PUDP: variants seen among roughly 807,000 people sequenced by gnomAD.
PUDP encodes the protein pseudouridine-5'-phosphatase.
Under a neutral mutation model 9.4 loss-of-function variants are expected in PUDP, and 8 were observed. The observed-to-expected ratio is 0.85, with a 90% confidence interval of 0.50 to 1.53. PUDP has a LOEUF of 1.53. PUDP is among the 40% of genes most tolerant of loss of function. The pLI is 0.00. For missense variants in PUDP, 188 were observed against 189.7 expected, an observed-to-expected ratio of 0.99 and a Z score of 0.05; for synonymous variants, 99 against 80.7, an observed-to-expected ratio of 1.23 and a Z score of -1.22.
Position 6,832,987 on chromosome X carries a change from T to TACACACACACACACACACAC in PUDP, c.*248-126541_*248-126522dup, listed in dbSNP as rs200319848. 8.3e-4 allele frequency among the ~76,000 whole-genome samples: 88 copies of TACACACACACACACACACAC among 106,321 alleles called. 1 individual carries two copies. Among genetic ancestry groups the TACACACACACACACACACAC allele is most frequent in the Middle Eastern group, 5.0e-3 (1 of 201 alleles). The allele number at this position is 106,321 out of a possible 115,157, so 92.3% of individuals were successfully genotyped here. A position where few individuals can be genotyped will look rare whatever the true frequency, so the allele number is the denominator to read the frequency against. ...TGTCACTCTCTCTCTCTCTCTGACA[T>TACACACACACACACACACAC]ACACACACACACACACACACTTCAC... On this transcript the variant is annotated intron_variant and NMD_transcript_variant, in intron 3 of 3. Transcript: ENST00000655425.
intron 3 of PUDP, among the ~76,000 whole-genome samples, chrX:6,819,386 A>C (rs949818759): frequency 1.8e-5 from 2 of 112,469 alleles, no homozygotes; most frequent in Admixed American, 1.9e-4. Context: ...TCATTCAAGA[A>C]GATATGGTAC....
intron 3 of PUDP, among the ~76,000 whole-genome samples, chrX:6,772,114 TA>T (rs1925373287): frequency 1.8e-5 from 2 of 112,367 alleles, no homozygotes; most frequent in Admixed American, 1.9e-4. Flanking sequence ...CAATGCCTTG[TA>T]TCCTAATCAC....
intron 2 of PUDP, among the ~76,000 whole-genome samples, chrX:7,096,705 A>G (rs1177756485): frequency 9.0e-6 from 1 of 110,775 alleles, no homozygotes; most frequent in African/African-American, 3.3e-5. Flanking sequence ...GTGTGGTGGC[A>G]TATAATTGCA....
intron 3 of PUDP, among the ~76,000 whole-genome samples, chrX:6,865,732 C>T (rs751135078): frequency 8.1e-5 from 9 of 111,155 alleles, no homozygotes; most frequent in Admixed American, 9.6e-5. Context: ...AACAAATTTA[C>T]ACAAACCTCA....
rs577178760 is a variant in PUDP, at chrX:7,093,281, GA to G, written c.280+12338del. The stretch of plus-strand genomic sequence containing the variant: ...GTCTGGAGGCAGGGAACCGAAAGCT[GA>G]TTCATGCTGACTTCCCAGAACTCAA... On this transcript the variant is annotated intron_variant, in intron 2 of 3. Transcript: ENST00000381077. Among the ~76,000 whole-genome samples, 78 of 111,900 alleles carry G rather than the reference GA, an allele frequency of 7.0e-4. 3 individuals carry two copies. The South Asian group carries it at 0.028, about 41-fold the overall frequency.
intron 3 of PUDP, among the ~76,000 whole-genome samples, chrX:6,907,106 C>T (rs192662283): frequency 5.4e-5 from 6 of 110,562 alleles, no homozygotes; most frequent in East Asian, 5.7e-4. Context: ...GGGAGGGAGA[C>T]GGTGGGAGGT....
intron 1 of PUDP, among the ~76,000 whole-genome samples, chrX:7,141,723 A>G (rs1932797380): frequency 1.8e-5 from 2 of 112,684 alleles, no homozygotes; most frequent in African/African-American, 6.5e-5. Context: ...AGAGAGGAGA[A>G]GTCAGTGTCT....
rs190326815 is a variant in PUDP at position 7,077,373 on chromosome X, C to T, written c.357G>A (p.Ser119=). 0.011 allele frequency: 13,757 copies of T among 1,208,717 alleles called. 75 individuals are homozygous for T. The highest frequency in any genetic ancestry group is 0.021 in the South Asian group (1,168 of 56,667). ...FALATSSGSA[S]FDMKTSRHKE... ...TGTGGCGGCTTGTCTTCATATCGAA[C>T]GACGCGGACCCCGAGCTGGTGGCCA... Residue 119 remains serine (S), a synonymous_variant, in exon 3 of 4, where the codon TCG becomes TCA. Coordinates refer to ENST00000381077, the MANE Select transcript of PUDP (RefSeq NM_012080.5).
chrX:6,798,297 A>G (rs748639597), intron 3 of PUDP, among the ~76,000 whole-genome samples: 3 of 111,525 alleles, frequency 2.7e-5, no homozygotes, highest in Non-Finnish European at 3.8e-5. Flanking sequence ...ATTTACTACT[A>G]TGAGAATAGT....
At chrX:6,891,177 T>C (rs1033938206) in intron 3 of PUDP, among the ~76,000 whole-genome samples, 1 of 111,261 alleles carries the variant, frequency 9.0e-6, no homozygotes, top group Non-Finnish European at 1.9e-5. Context: ...TATTGATCAG[T>C]TGATGAAAAT....
At chrX:7,137,956 C>G (rs1396319649) in intron 1 of PUDP, among the ~76,000 whole-genome samples, 17 of 112,013 alleles carry the variant, frequency 1.5e-4, no homozygotes, top group Non-Finnish European at 3.8e-5. Flanking sequence ...AGTTCACCAG[C>G]TTTCCTGAGG....
intron 3 of PUDP, among the ~76,000 whole-genome samples, chrX:6,848,711 T>C (rs1024317107): frequency 8.9e-5 from 10 of 111,927 alleles, no homozygotes; most frequent in African/African-American, 3.2e-4. Context: ...CCTTTGGTGA[T>C]AAGGAAGTTC....
At chrX:7,147,936 G>C in intron 1 of PUDP, 117 bp downstream of exon 1, 1 of 550,152 alleles carries the variant, frequency 1.8e-6, no homozygotes, top group Non-Finnish European at 2.9e-6. Flanking sequence ...GAGCCCGAGC[G>C]TCCCTGCATG....
chrX:7,074,057 C>T (rs1930822784), intron 3 of PUDP, among the ~76,000 whole-genome samples: 1 of 112,675 alleles, frequency 8.9e-6, no homozygotes, highest in Admixed American at 9.3e-5. Flanking sequence ...CATGTGGTTT[C>T]CACATACACT....
chrX:7,087,089 C>T (rs1033178819), intron 2 of PUDP, among the ~76,000 whole-genome samples: 1 of 111,651 alleles, frequency 9.0e-6, no homozygotes, highest in African/African-American at 3.3e-5. Flanking sequence ...CTTGACAGTG[C>T]TCTCCCCACA....
At chrX:7,125,653 G>C (rs1932465442) in intron 1 of PUDP, among the ~76,000 whole-genome samples, 1 of 111,827 alleles carries the variant, frequency 8.9e-6, no homozygotes, top group Non-Finnish European at 1.9e-5. Context: ...CTGAGAATGG[G>C]TAATTTATAA....
intron 1 of PUDP, among the ~76,000 whole-genome samples, chrX:7,144,904 C>A (rs769059294): frequency 9.0e-6 from 1 of 111,427 alleles, no homozygotes; most frequent in African/African-American, 3.3e-5. Context: ...TTTACACATA[C>A]CACATTTTAC....
chrX:6,985,050 G>A (rs1929086068), intron 1 of PUDP, among the ~76,000 whole-genome samples: 1 of 111,744 alleles, frequency 8.9e-6, no homozygotes, highest in South Asian at 3.7e-4. Context: ...CAGCCCGGCT[G>A]TTCCCACACC....
chrX:6,948,537 A>G (rs1402019425), intron 3 of PUDP, among the ~76,000 whole-genome samples: 1 of 112,257 alleles, frequency 8.9e-6, no homozygotes, highest in African/African-American at 3.2e-5. Flanking sequence ...TGTAGATTCT[A>G]ATTCAGCAGA....
Sources: allele counts gnomAD v4.1 joint callset (sites outside exome capture counted in the v4.1 genomes callset), GRCh38; gene constraint gnomAD v4.1.1; transcripts MANE v1.5; gene names NCBI Gene and HGNC (gene_info 2026-07-23, HGNC 2026-07-21).